Variants in PLEKHM3 observed in about 807,000 individuals in gnomAD.
The protein encoded by PLEKHM3 is pleckstrin homology domain containing M3, also known as pleckstrin homology domain-containing family M member 3.
A neutral mutation model predicts 81.8 loss-of-function variants in PLEKHM3; 45 were observed. The observed-to-expected ratio is 0.55, with a 90% CI of 0.43 to 0.71. PLEKHM3 has a LOEUF of 0.71. Among genes scored for constraint, PLEKHM3 ranks in the 30% least tolerant of loss-of-function variants. The probability of loss-of-function intolerance (pLI) is 0.00; values close to 1 mark genes in which losing one functional copy is unlikely to be tolerated. For missense variants in PLEKHM3, 788 were observed against 924.3 expected, an observed-to-expected ratio of 0.85 and a Z score of 1.91; for synonymous variants, 352 against 356.4, an observed-to-expected ratio of 0.99 and a Z score of 0.14.
chr2:207,975,856 C>T (rs1474838777), intron 3 of PLEKHM3, among the ~76,000 whole-genome samples: 2 of 150,324 alleles, frequency 1.3e-5, no homozygotes, highest in African/African-American at 4.9e-5. Context: ...CTTGGCCTCC[C>T]GAAGTGCTGG....
rs192726750 is a variant in PLEKHM3 at position 207,995,133 on chromosome 2, G to A, written c.610+5897C>T. ...TTGGCATGCTAACATTAAAGAGTAT[G>A]AAAGGCAAAGTGACCATCTTCCTTT... is the stretch of plus-strand genomic sequence containing the variant. On this transcript the variant is annotated intron_variant, in intron 2 of 7. Coordinates refer to ENST00000427836, the MANE Select transcript of PLEKHM3 (RefSeq NM_001080475.3). Among the ~76,000 whole-genome samples, 278 of 152,294 alleles carry A rather than the reference G, an allele frequency of 1.8e-3. 1 individual carries two copies. The highest frequency in any genetic ancestry group is 6.4e-3 in the African/African-American group (264 of 41,552).
chr2:207,850,022 G>A (rs532289949), intron 7 of PLEKHM3, among the ~76,000 whole-genome samples: 9 of 152,230 alleles, frequency 5.9e-5, no homozygotes, highest in South Asian at 2.1e-4. Flanking sequence ...CTCGAGCTGC[G>A]TCACAAATGG....
At chr2:208,013,589 GT>G (rs1157726321) in intron 1 of PLEKHM3, among the ~76,000 whole-genome samples, 1 of 151,962 alleles carries the variant, frequency 6.6e-6, no homozygotes, top group East Asian at 1.9e-4. Context: ...AGCCTCAAAG[GT>G]TCCACCAGAG....
chr2:207,920,747 T>C (rs1689155233), intron 5 of PLEKHM3, among the ~76,000 whole-genome samples: 1 of 152,104 alleles, frequency 6.6e-6, no homozygotes. Flanking sequence ...GCTAAAGATA[T>C]TTACAAGGCA....
chr2:207,830,975 C>T (rs1336758262), intron 7 of PLEKHM3, among the ~76,000 whole-genome samples: 1 of 152,234 alleles, frequency 6.6e-6, no homozygotes, highest in Non-Finnish European at 1.5e-5. Flanking sequence ...CGTCGCCTTT[C>T]TGAGCTTCCT....
chr2:207,848,554 T>C (rs1376575555), intron 7 of PLEKHM3, among the ~76,000 whole-genome samples: 1 of 152,222 alleles, frequency 6.6e-6, no homozygotes. Context: ...GCACCATCTA[T>C]GGGAAGAAGT....
At position 207,976,765 on chromosome 2, in the gene PLEKHM3, C is replaced by T. The variant is rs1473974754; in HGVS notation, c.1432G>A (p.Gly478Ser). 1.9e-6 allele frequency: 3 copies of T among 1,614,114 alleles called. No homozygotes were observed. The highest frequency in any genetic ancestry group is 2.7e-5 in the African/African-American group (2 of 74,932). Residue 478 changes from glycine to serine, a missense_variant, in exon 3 of 8, where the codon GGT becomes AGT. Physicochemically the swap from Gly to Ser is moderately conservative, Grantham distance 56. Transcript: ENST00000427836. This position sits in a 1 kb window ranked among gnomAD's most constrained non-coding sequence, Gnocchi z 4.1. ...TLRNKPKDQM[G>S]GHELRKNKRQ... is the part of the protein sequence containing the mutation. The stretch of plus-strand genomic sequence containing the variant: ...TTGTTCTTCCTGAGTTCATGCCCAC[C>T]CATTTGATCCTTGGGTTTGTTCCTC...
At chr2:207,982,059 A>G (rs1425000057) in intron 2 of PLEKHM3, among the ~76,000 whole-genome samples, 1 of 152,212 alleles carries the variant, frequency 6.6e-6, no homozygotes, top group Non-Finnish European at 1.5e-5. Context: ...AAGAAAATGA[A>G]GACTTTTATA....
chr2:207,971,223 T>C (rs1691109536), intron 3 of PLEKHM3, among the ~76,000 whole-genome samples: 1 of 152,210 alleles, frequency 6.6e-6, no homozygotes, highest in Non-Finnish European at 1.5e-5. Context: ...TAGGAAATTA[T>C]AGGAAAAATA....
rs1692304760 is a variant in PLEKHM3 at position 208,001,507 on chromosome 2, G to T, written c.133C>A (p.Leu45Met). 6.2e-7 allele frequency: 1 copy of T among 1,614,166 alleles called. No individual in the cohort carries two copies. Among genetic ancestry groups the T allele is most frequent in the Non-Finnish European group, 8.5e-7 (1 of 1,180,020 alleles). The change falls in exon 2 of 8, where the codon CTG (leucine) becomes ATG (methionine). Residue 45 changes from leucine to methionine, a missense_variant. Coordinates refer to ENST00000427836, the MANE Select transcript of PLEKHM3 (RefSeq NM_001080475.3). ...EVYGIQEVPE[L>M]VGHEVLSNIT... is the part of the protein sequence containing the mutation. ...TTACTGAGTACCTCATGCCCCACCA[G>T]TTCAGGGACTTCCTGGATCCCATAA... is the stretch of plus-strand genomic sequence containing the variant.
At chr2:207,868,940 T>C (rs1322342345) in intron 6 of PLEKHM3, 5 of 152,202 alleles carry the variant, frequency 3.3e-5, no homozygotes, top group Non-Finnish European at 5.9e-5. Context: ...TCTTCTGGTA[T>C]TGCTGTAAAT....
chr2:207,955,964 G>A lies in PLEKHM3; in HGVS notation c.1547-9452C>T, dbSNP rs77489234. On this transcript the variant is annotated intron_variant, in intron 3 of 7. Transcript: ENST00000427836. ...GGAAGCAATCACTATTGTGGAGATCGAGGAAGGCTGTGTCGACACAGGGGC... is the reference window on the plus strand; with the variant it reads ...GGAAGCAATCACTATTGTGGAGATCAAGGAAGGCTGTGTCGACACAGGGGC... Among the ~76,000 whole-genome samples the A allele has an allele frequency of 3.0e-4, 38 of 128,420 alleles. No individual in the cohort carries two copies. The East Asian group carries it at 8.6e-3, about 29-fold the overall frequency. 84.2% of individuals were successfully genotyped at this position (128,420 alleles called of 152,430 possible). A position where few individuals can be genotyped will look rare whatever the true frequency, so the allele number is the denominator to read the frequency against.
At chr2:207,835,884 G>C (rs1404551169) in intron 7 of PLEKHM3, among the ~76,000 whole-genome samples, 2 of 152,122 alleles carry the variant, frequency 1.3e-5, no homozygotes, top group African/African-American at 4.8e-5. Context: ...TGGGGGGATG[G>C]GGATGAGGAG....
At chr2:208,023,108 A>T (rs181624036) in intron 1 of PLEKHM3, among the ~76,000 whole-genome samples, 17 of 152,250 alleles carry the variant, frequency 1.1e-4, no homozygotes, top group Admixed American at 3.3e-4. Flanking sequence ...AAAGTTTTAA[A>T]TTGTGGTAAA....
rs952262017 is a variant in PLEKHM3, at chr2:207,822,225, A to G, written c.*6094T>C. On this transcript the variant is annotated 3_prime_UTR_variant, in exon 8 of 8. Transcript: ENST00000427836. ...GCTAATTTGATAGCTCACGCCAAAC[A>G]AAGAGACATTTTTATCACAATTTAT... 2.0e-4 allele frequency: 31 copies of G among 152,666 alleles called. No homozygotes were observed. Among genetic ancestry groups the G allele is most frequent in the African/African-American group, 7.5e-4 (31 of 41,600 alleles). The allele number at this position is 152,666 out of a possible 1,614,324, so 9.5% of individuals were successfully genotyped here. A position where few individuals can be genotyped will look rare whatever the true frequency, so the allele number is the denominator to read the frequency against.
At position 208,004,511 on chromosome 2, in the gene PLEKHM3, A is replaced by G. The variant is rs192896514; in HGVS notation, c.-318-2554T>C. ...GGTCTAAAGCCATAGACTGTTAGAC[A>G]AGGAAATTGGCCTTTGGGATTATGT... is the stretch of plus-strand genomic sequence containing the variant. On this transcript the variant is annotated intron_variant, in intron 1 of 7. Transcript: ENST00000427836. Among the ~76,000 whole-genome samples the G allele has an allele frequency of 1.2e-3, 180 of 152,314 alleles. 3 individuals are homozygous for G. The highest frequency in any genetic ancestry group is 8.6e-3 in the Admixed American group (132 of 15,296).
At chr2:207,939,135 C>T (rs1036214970) in intron 4 of PLEKHM3, among the ~76,000 whole-genome samples, 3 of 152,154 alleles carry the variant, frequency 2.0e-5, no homozygotes, top group Admixed American at 6.5e-5. Context: ...GTCAAAGCCC[C>T]GCTCCAAGCA....
rs1183426561 is a variant in PLEKHM3 at position 207,828,126 on chromosome 2, A to G, written c.*193T>C. 3 of 366,008 alleles carry G rather than the reference A, an allele frequency of 8.2e-6. No individual in the cohort carries two copies. The East Asian group carries it at 1.4e-4, about 17-fold the overall frequency. The allele number at this position is 366,008 out of a possible 1,614,324, so 22.7% of individuals were successfully genotyped here. A position where few individuals can be genotyped will look rare whatever the true frequency, so the allele number is the denominator to read the frequency against. The stretch of plus-strand genomic sequence containing the variant: ...CACAGAGGTTCTGTGGATCGTCTGG[A>G]CAATGATGTACACAGAGCATACGTA... On this transcript the variant is annotated 3_prime_UTR_variant, in exon 8 of 8. Coordinates refer to ENST00000427836, the MANE Select transcript of PLEKHM3 (RefSeq NM_001080475.3).
chr2:207,953,412 C>T (rs940946754), intron 3 of PLEKHM3, among the ~76,000 whole-genome samples: 1 of 151,980 alleles, frequency 6.6e-6, no homozygotes, highest in African/African-American at 2.4e-5. Context: ...TGATGGGCTT[C>T]GTTTTATGTT....
Sources: allele counts gnomAD v4.1 joint callset (sites outside exome capture counted in the v4.1 genomes callset), GRCh38; gene constraint gnomAD v4.1.1; non-coding constraint Gnocchi (gnomAD v3.1); transcripts MANE v1.5; gene names NCBI Gene and HGNC (gene_info 2026-07-23, HGNC 2026-07-21).